Variants in STRN observed in about 807,000 individuals in gnomAD.
STRN encodes striatin.
STRN carries 53 observed loss-of-function variants against 96.3 expected under a neutral mutation model. That is an observed-to-expected ratio of 0.55 (90% confidence interval 0.44 to 0.69). The LOEUF (loss-of-function observed/expected upper bound fraction) is 0.69. Among genes scored for constraint, STRN ranks in the 30% least tolerant of loss-of-function variants. The pLI, the probability that STRN is intolerant of heterozygous loss-of-function variation, is 0.00. For synonymous variants in STRN, 428 were observed against 355.9 expected, an observed-to-expected ratio of 1.20 and a Z score of -2.28; for missense variants, 987 against 963.9, an observed-to-expected ratio of 1.02 and a Z score of -0.32.
At chr2:36,897,212 G>T (rs1669564646) in intron 6 of STRN, among the ~76,000 whole-genome samples, 1 of 151,724 alleles carries the variant, frequency 6.6e-6, no homozygotes, top group African/African-American at 2.4e-5. Flanking sequence ...TTTAAAACTT[G>T]TTCTACTTGA....
Position 36,848,451 on chromosome 2 carries a change from T to C in STRN, c.*1005A>G, listed in dbSNP as rs986072164. On this transcript the variant is annotated 3_prime_UTR_variant, in exon 18 of 18. Coordinates refer to ENST00000263918, the MANE Select transcript of STRN (RefSeq NM_003162.4). ...TGGTAGATGTCAGATAACTTGAACGTGACAAAGAAGAAAGAGCACAGATCA... is the reference window on the plus strand; with the variant it reads ...TGGTAGATGTCAGATAACTTGAACGCGACAAAGAAGAAAGAGCACAGATCA... 8 of 152,176 alleles carry C rather than the reference T, an allele frequency of 5.3e-5. No homozygotes were observed. In the East Asian group the frequency reaches 5.8e-4, roughly 11 times the overall value. The allele number at this position is 152,176 out of a possible 1,614,324, so 9.4% of individuals were successfully genotyped here.
intron 1 of STRN, among the ~76,000 whole-genome samples, chr2:36,926,906 T>G (rs368446223): frequency 6.6e-6 from 1 of 152,172 alleles, no homozygotes; most frequent in Non-Finnish European, 1.5e-5. Context: ...ATGAAAGTCG[T>G]GTCAAAAGGA....
At chr2:36,852,904 C>T (rs141737185) in intron 15 of STRN, among the ~76,000 whole-genome samples, 3 of 152,262 alleles carry the variant, frequency 2.0e-5, no homozygotes, top group Non-Finnish European at 4.4e-5. Flanking sequence ...CACCTGTAAT[C>T]GCAGCACTTT....
chr2:36,919,131 C>T (rs1670182350), intron 2 of STRN, among the ~76,000 whole-genome samples: 1 of 152,172 alleles, frequency 6.6e-6, no homozygotes, highest in South Asian at 2.1e-4. Context: ...TGATTAATTT[C>T]AATGAACTAT....
intron 1 of STRN, 51 bp from the exon 2 acceptor site, chr2:36,925,259 T>G: frequency 1.5e-6 from 2 of 1,350,596 alleles, no homozygotes; most frequent in Non-Finnish European, 2.1e-6. Context: ...AAAAAAAAGT[T>G]TTTTTAACTC....
chr2:36,876,770 C>T lies in STRN; in HGVS notation c.1323+1121G>A, dbSNP rs558903704. ...ATAAACATTTTTTTTTTTTTTGAGG[C>T]GGAGTCTTGCTCTGTCGCCCAGGCT... On this transcript the variant is annotated intron_variant, in intron 10 of 17. Coordinates refer to ENST00000263918, the MANE Select transcript of STRN (RefSeq NM_003162.4). Among the ~76,000 whole-genome samples the T allele has an allele frequency of 4.9e-3, 722 of 147,950 alleles. 7 individuals carry two copies. Among genetic ancestry groups the T allele is most frequent in the Middle Eastern group, 0.024 (7 of 286 alleles).
chr2:36,857,122 C>A (rs962232389), intron 14 of STRN, among the ~76,000 whole-genome samples: 2 of 150,404 alleles, frequency 1.3e-5, no homozygotes, highest in African/African-American at 4.9e-5. Context: ...GAGACAGGGC[C>A]TCGCTATGTT....
chr2:36,853,150 C>A (rs902601997), intron 15 of STRN, among the ~76,000 whole-genome samples: 2 of 73,630 alleles, frequency 2.7e-5, no homozygotes, highest in African/African-American at 6.1e-5. Flanking sequence ...GAGCGAGACT[C>A]TGTCTCAAAA....
At chr2:36,910,883 C>G (rs1007911797) in intron 3 of STRN, among the ~76,000 whole-genome samples, 1 of 151,882 alleles carries the variant, frequency 6.6e-6, no homozygotes, top group Non-Finnish European at 1.5e-5. Context: ...TTTAACATAG[C>G]CTGAGATAAT....
chr2:36,913,926 C>A (rs1427393930), intron 3 of STRN, among the ~76,000 whole-genome samples: 1 of 152,068 alleles, frequency 6.6e-6, no homozygotes, highest in Non-Finnish European at 1.5e-5. Flanking sequence ...AAACTTACAT[C>A]TACCTGCTTT....
chr2:36,882,255 A>G (rs1360840702), intron 9 of STRN, among the ~76,000 whole-genome samples: 1 of 152,196 alleles, frequency 6.6e-6, no homozygotes, highest in African/African-American at 2.4e-5. Context: ...ATCAATAAAT[A>G]ATAATTTGAA....
chr2:36,932,210 A>G (rs1670593293), intron 1 of STRN, among the ~76,000 whole-genome samples: 1 of 152,152 alleles, frequency 6.6e-6, no homozygotes, highest in Admixed American at 6.5e-5. Flanking sequence ...GCTGGAGTAC[A>G]GTGGCGTGAT....
At chr2:36,925,967 G>T (rs1360304257) in intron 1 of STRN, among the ~76,000 whole-genome samples, 1 of 152,032 alleles carries the variant, frequency 6.6e-6, no homozygotes, top group Non-Finnish European at 1.5e-5. Flanking sequence ...TTCCTTAAGT[G>T]ACTTTATTTT....
chr2:36,937,898 TAC>T (rs1670747083), intron 1 of STRN, among the ~76,000 whole-genome samples: 1 of 152,086 alleles, frequency 6.6e-6, no homozygotes, highest in East Asian at 1.9e-4. Context: ...AGGACTTCAT[TAC>T]TAGTAAATAG....
chr2:36,873,358 A>G (rs902019451), intron 10 of STRN, among the ~76,000 whole-genome samples: 1 of 152,224 alleles, frequency 6.6e-6, no homozygotes. Context: ...GAAACAACAC[A>G]TAACAGTAAA....
chr2:36,875,254 A>T (rs1412777633), intron 10 of STRN, among the ~76,000 whole-genome samples: 1 of 152,200 alleles, frequency 6.6e-6, no homozygotes. Flanking sequence ...TCATGCCTGT[A>T]ATCCCAGCAC....
rs541931558 is a variant in STRN, at chr2:36,894,924, C to T, written c.796-891G>A. ...ATTCTTCTTCAAAAACAAGATACAGCCTCAGAAATCCTTCTCAGTACAGCA... is the reference window on the plus strand; with the variant it reads ...ATTCTTCTTCAAAAACAAGATACAGTCTCAGAAATCCTTCTCAGTACAGCA... On this transcript the variant is annotated intron_variant, in intron 6 of 17. Transcript: ENST00000263918. Among the ~76,000 whole-genome samples, 3 of 152,252 alleles carry T rather than the reference C, an allele frequency of 2.0e-5. No homozygotes were observed. In the East Asian group the frequency reaches 5.8e-4, roughly 29 times the overall value.
At chr2:36,903,879 C>A (rs756546272) in intron 4 of STRN, among the ~76,000 whole-genome samples, 5 of 152,134 alleles carry the variant, frequency 3.3e-5, no homozygotes, top group South Asian at 2.1e-4. Context: ...TATATTTTTC[C>A]ATTTTTAACA....
intron 1 of STRN, among the ~76,000 whole-genome samples, chr2:36,929,781 A>T (rs1670523471): frequency 1.3e-5 from 2 of 152,238 alleles, no homozygotes; most frequent in East Asian, 3.8e-4. Flanking sequence ...TGAAAAATAC[A>T]CAAAATTCTT....
Sources: allele counts gnomAD v4.1 joint callset (sites outside exome capture counted in the v4.1 genomes callset), GRCh38; gene constraint gnomAD v4.1.1; transcripts MANE v1.5; gene names NCBI Gene and HGNC (gene_info 2026-07-23, HGNC 2026-07-21).